Variants in GLRA2 observed in about 807,000 individuals in gnomAD.
The protein encoded by GLRA2 is glycine receptor subunit alpha-2.
GLRA2 carries 11 observed loss-of-function variants against 31.6 expected under a neutral mutation model. That is an observed-to-expected ratio of 0.35 (90% confidence interval 0.22 to 0.58). The LOEUF is 0.58. GLRA2 is among the 20% of genes least tolerant of loss of function. The pLI is 0.84. For synonymous variants in GLRA2, 132 were observed against 134.0 expected (o/e 0.99, Z 0.10); for missense variants, 212 against 351.8 (o/e 0.60, Z 3.18).
At chrX:14,614,193 G>A (rs1250453172) in intron 7 of GLRA2, among the ~76,000 whole-genome samples, 1 of 111,058 alleles carries the variant, frequency 9.0e-6, no homozygotes, top group East Asian at 2.9e-4. Context: ...CCATTGTTGA[G>A]GGCTGAGAGT....
chrX:14,513,512 A>G, the GLRA2 span, among the ~76,000 whole-genome samples: 4 of 111,951 alleles, frequency 3.6e-5, no homozygotes, highest in East Asian at 2.8e-4. Flanking sequence ...TGCAATGTAT[A>G]CATCTGATAA....
intron 8 of GLRA2, among the ~76,000 whole-genome samples, chrX:14,704,756 T>A (rs2091596070): frequency 8.9e-6 from 1 of 112,401 alleles, no homozygotes; most frequent in Admixed American, 9.4e-5. Flanking sequence ...CTAGATTTCA[T>A]TTCTTCAACA....
intron 7 of GLRA2, among the ~76,000 whole-genome samples, chrX:14,626,733 A>T: frequency 8.9e-6 from 1 of 112,155 alleles, no homozygotes; most frequent in Non-Finnish European, 1.9e-5. Flanking sequence ...ATGATCATTG[A>T]CAATAAAATG....
chrX:14,714,183 A>G (rs1370886391), intron 8 of GLRA2, among the ~76,000 whole-genome samples: 1 of 110,743 alleles, frequency 9.0e-6, no homozygotes, highest in East Asian at 2.8e-4. Flanking sequence ...TAGAATATTC[A>G]GACTTTCCAC....
At chrX:14,499,116 T>G in the GLRA2 span, among the ~76,000 whole-genome samples, 64 of 112,248 alleles carry the variant, frequency 5.7e-4, no homozygotes, top group Admixed American at 7.5e-4. Flanking sequence ...CCTTTCTTTT[T>G]GGGTATATAC....
At chrX:14,628,282 G>T (rs1316728372) in intron 7 of GLRA2, among the ~76,000 whole-genome samples, 2 of 111,432 alleles carry the variant, frequency 1.8e-5, no homozygotes, top group Non-Finnish European at 3.8e-5. Context: ...AGTTTGGGTT[G>T]CGTCTTAAAA....
At chrX:14,673,467 G>C (rs181930672) in intron 7 of GLRA2, among the ~76,000 whole-genome samples, 2 of 111,720 alleles carry the variant, frequency 1.8e-5, no homozygotes, top group East Asian at 5.7e-4. Flanking sequence ...CTCTGGTAAG[G>C]TTCTGAGTTT....
rs182721878 is a variant in GLRA2 at position 14,642,009 on chromosome X, A to C, written c.930+32804A>C. ...CTAAAAGATTTAGGAGGGAAAGAGC[A>C]GCTCCCTTTACAGGCAGCCCAAGAC... On this transcript the variant is annotated intron_variant, in intron 7 of 8. Coordinates refer to ENST00000218075, the MANE Select transcript of GLRA2 (RefSeq NM_002063.4). 3.4e-4 allele frequency among the ~76,000 whole-genome samples: 38 copies of C among 111,965 alleles called. No individual in the cohort carries two copies. In the East Asian group the frequency reaches 7.0e-3, roughly 21 times the overall value.
chrX:14,563,488 T>C (rs980301075), intron 2 of GLRA2, among the ~76,000 whole-genome samples: 1 of 112,260 alleles, frequency 8.9e-6, no homozygotes, highest in South Asian at 3.6e-4. Context: ...CAGCAAATTC[T>C]AGAGAAGGTA....
intron 2 of GLRA2, among the ~76,000 whole-genome samples, chrX:14,550,058 G>A (rs775038005): frequency 1.9e-4 from 21 of 110,667 alleles, no homozygotes. Flanking sequence ...GAGGTCATTG[G>A]ATTTGACCAC....
At chrX:14,636,002 C>A (rs958743984) in intron 7 of GLRA2, among the ~76,000 whole-genome samples, 23 of 111,426 alleles carry the variant, frequency 2.1e-4, no homozygotes, top group African/African-American at 6.5e-4. Context: ...CAGGAGCCAA[C>A]TGAATGAGTT....
intron 4 of GLRA2, among the ~76,000 whole-genome samples, chrX:14,586,041 C>T (rs963187655): frequency 3.6e-5 from 4 of 111,138 alleles, no homozygotes; most frequent in Non-Finnish European, 5.7e-5. Flanking sequence ...ATATGGGCAC[C>T]AAAGCCCAAG....
intron 7 of GLRA2, among the ~76,000 whole-genome samples, chrX:14,681,391 T>C (rs1317350685): frequency 1.8e-5 from 2 of 111,317 alleles, no homozygotes; most frequent in African/African-American, 6.5e-5. Flanking sequence ...AATTCATTCA[T>C]TCATTCAACC....
chrX:14,573,294 T>C (rs913891831), intron 2 of GLRA2, among the ~76,000 whole-genome samples: 13 of 111,683 alleles, frequency 1.2e-4, no homozygotes, highest in Admixed American at 1.0e-3. Context: ...GTTTAAGTGC[T>C]GCCATAACTT....
At chrX:14,720,155 T>C (rs901420696) in intron 8 of GLRA2, among the ~76,000 whole-genome samples, 1 of 111,275 alleles carries the variant, frequency 9.0e-6, no homozygotes, top group African/African-American at 3.3e-5. Flanking sequence ...ATTTATTGTA[T>C]TTTTTTCAAA....
intron 2 of GLRA2, among the ~76,000 whole-genome samples, chrX:14,538,055 G>T (rs1372773565): frequency 9.2e-6 from 1 of 108,826 alleles, no homozygotes; most frequent in Non-Finnish European, 1.9e-5. Context: ...TCAGGGATTT[G>T]AAGTGGCATC....
intron 7 of GLRA2, among the ~76,000 whole-genome samples, chrX:14,649,307 C>A (rs1411484535): frequency 9.0e-6 from 1 of 111,383 alleles, no homozygotes; most frequent in Non-Finnish European, 1.9e-5. Flanking sequence ...TACATCTACA[C>A]AGAGACTTGT....
chrX:14,554,024 A>G (rs1286672058), intron 2 of GLRA2, among the ~76,000 whole-genome samples: 3 of 112,392 alleles, frequency 2.7e-5, no homozygotes, highest in African/African-American at 9.7e-5. Context: ...TAAGCACCCA[A>G]TATACAGAAG....
At chrX:14,477,238 C>A in the GLRA2 span, among the ~76,000 whole-genome samples, 1 of 111,956 alleles carries the variant, frequency 8.9e-6, no homozygotes, top group African/African-American at 3.2e-5. Context: ...TAATAACTTC[C>A]TTTAAAATTT....
Sources: allele counts gnomAD v4.1 joint callset (sites outside exome capture counted in the v4.1 genomes callset), GRCh38; gene constraint gnomAD v4.1.1; transcripts MANE v1.5; gene names NCBI Gene and HGNC (gene_info 2026-07-23, HGNC 2026-07-21).